METAP1: variants seen among roughly 807,000 people sequenced by gnomAD.
The protein encoded by METAP1 is methionyl aminopeptidase 1, also known as methionine aminopeptidase 1.
METAP1 carries 28 observed loss-of-function variants against 53.8 expected under a neutral mutation model. The observed-to-expected ratio is 0.52, with a 90% confidence interval of 0.39 to 0.71. The LOEUF is 0.71. METAP1 is among the 30% of genes least tolerant of loss of function. The pLI is 0.00. For synonymous variants in METAP1, 181 were observed against 165.7 expected (o/e 1.09, Z -0.71); for missense variants, 389 against 479.8 (o/e 0.81, Z 1.77).
At chr4:99,031,805 A>C (rs1053877345) in intron 2 of METAP1, 1 of 383,242 alleles carries the variant, frequency 2.6e-6, no homozygotes, top group Non-Finnish European at 5.0e-6. Context: ...ACAACTTTTT[A>C]AAGAATAAAG....
chr4:99,022,948 AC>A (rs1280300733), intron 1 of METAP1: 4 of 1,489,540 alleles, frequency 2.7e-6, no homozygotes, highest in Non-Finnish European at 3.6e-6. Context: ...AAGGTTGCGG[AC>A]ATGTAGGGGC....
intron 1 of METAP1, among the ~76,000 whole-genome samples, chr4:99,004,508 CACACAA>C (rs1387692417): frequency 1.9e-5 from 2 of 106,656 alleles, no homozygotes; most frequent in Non-Finnish European, 4.4e-5. Flanking sequence ...CACACACACA[CACACAA>C]AATAACACAG....
At chr4:99,034,468 G>A in intron 3 of METAP1, 126 bp downstream of exon 3, 1 of 642,340 alleles carries the variant, frequency 1.6e-6, no homozygotes, top group East Asian at 3.0e-5. Flanking sequence ...TCGAATTTTA[G>A]CTCTTGAGCT....
intron 3 of METAP1, 97 bp from the exon 4 acceptor site, chr4:99,035,303 C>A: frequency 1.3e-6 from 1 of 785,620 alleles, no homozygotes; most frequent in South Asian, 1.6e-5. Flanking sequence ...TTTAAGATGC[C>A]ATTTAAAACT....
chr4:99,040,582 C>T (rs748082016), intron 5 of METAP1, among the ~76,000 whole-genome samples: 37 of 151,634 alleles, frequency 2.4e-4, no homozygotes, highest in Admixed American at 2.0e-3. Context: ...CTCCAAACTC[C>T]TGGGCTCAAG....
chr4:99,032,250 C>T (rs369564354), intron 2 of METAP1, among the ~76,000 whole-genome samples: 22 of 150,022 alleles, frequency 1.5e-4, no homozygotes, highest in African/African-American at 5.4e-4. Flanking sequence ...TTTTTTGAGA[C>T]AGGGTGTTCC....
In METAP1 at chr4:99,061,207, G is replaced by A. The variant is rs750830276; in HGVS notation, c.1051G>A (p.Gly351Arg). 3 of 1,613,824 alleles carry A rather than the reference G, an allele frequency of 1.9e-6. No homozygotes were observed. Among genetic ancestry groups the A allele is most frequent in the East Asian group, 2.2e-5 (1 of 44,862 alleles). ...PDGWTAVTRDGKRSAQFEHTL... is the reference protein window; with the variant it reads ...PDGWTAVTRDRKRSAQFEHTL... ...TGGTTGGACTGCGGTGACAAGAGACGGAAAGCGGTCTGCTCAGTTTGAGCA... is the reference window on the plus strand; with the variant it reads ...TGGTTGGACTGCGGTGACAAGAGACAGAAAGCGGTCTGCTCAGTTTGAGCA... The change falls in exon 11 of 11, where the codon GGA becomes AGA. Residue 351 changes from glycine to arginine, a missense_variant. Transcript: ENST00000296411.
chr4:99,035,263 A>G (rs1327995793), intron 3 of METAP1, 137 bp from the exon 4 acceptor site: 10 of 642,716 alleles, frequency 1.6e-5, no homozygotes, highest in Non-Finnish European at 2.7e-5. Context: ...GTAAAGCATA[A>G]TCTTAATGAA....
chr4:99,024,881 C>T (rs1406881704), intron 1 of METAP1, among the ~76,000 whole-genome samples: 1 of 152,088 alleles, frequency 6.6e-6, no homozygotes, highest in African/African-American at 2.4e-5. Context: ...ACAATTTTTC[C>T]ATGGACTTGG....
chr4:99,009,452 A>G (rs141790228), intron 1 of METAP1, among the ~76,000 whole-genome samples: 378 of 152,316 alleles, frequency 2.5e-3, no homozygotes, highest in Middle Eastern at 0.01. Context: ...TCTGTTTTCT[A>G]TAGTAGTTGG....
intron 1 of METAP1, among the ~76,000 whole-genome samples, chr4:99,008,878 T>TA (rs946700137): frequency 6.6e-6 from 1 of 152,232 alleles, no homozygotes; most frequent in Non-Finnish European, 1.5e-5. Flanking sequence ...TACATATCTT[T>TA]AAAAAATTTG....
chr4:99,044,683 A>G (rs1726097111), intron 7 of METAP1, among the ~76,000 whole-genome samples: 1 of 152,188 alleles, frequency 6.6e-6, no homozygotes, highest in East Asian at 1.9e-4. Flanking sequence ...ATTCTTAAAC[A>G]TGGGGACAAA....
intron 1 of METAP1, chr4:99,022,951 T>C (rs1034275197): frequency 2.0e-6 from 3 of 1,487,794 alleles, no homozygotes; most frequent in South Asian, 1.2e-5. Flanking sequence ...GTTGCGGACA[T>C]GTAGGGGCTG....
In METAP1 at chr4:98,996,628, C is replaced by T. The variant is rs528476187; in HGVS notation, c.114+761C>T. On this transcript the variant is annotated intron_variant, in intron 1 of 10. Transcript: ENST00000296411. ...AAGGACAGTTCCATTGAGGGTTAGG[C>T]GTGAATGCTGTAGTGTATTTTAAGT... is the stretch of plus-strand genomic sequence containing the variant. 3.9e-5 allele frequency among the ~76,000 whole-genome samples: 6 copies of T among 152,286 alleles called. No individual in the cohort carries two copies. In the South Asian group the frequency reaches 1.2e-3, roughly 32 times the overall value.
chr4:99,026,278 C>G lies in METAP1; in HGVS notation c.115-2589C>G, dbSNP rs201588437. Reference sequence around the variant, plus strand: ...TCTTGGATTGAAAACTAAAGTTTTACCTACTAGTTATAATAATGCTTTGGT... The same window carrying G: ...TCTTGGATTGAAAACTAAAGTTTTAGCTACTAGTTATAATAATGCTTTGGT... On this transcript the variant is annotated intron_variant, in intron 1 of 10. Coordinates refer to ENST00000296411, the MANE Select transcript of METAP1 (RefSeq NM_015143.3). 28 of 984,816 alleles carry G rather than the reference C, an allele frequency of 2.8e-5. No individual in the cohort carries two copies. In the East Asian group the frequency reaches 2.5e-3, roughly 88 times the overall value. The allele number at this position is 984,816 out of a possible 1,614,324, so 61.0% of individuals were successfully genotyped here.
chr4:99,026,153 TAAAC>T (rs1724544058), intron 1 of METAP1: 2 of 879,818 alleles, frequency 2.3e-6, no homozygotes, highest in Admixed American at 6.2e-5. Context: ...TTTGGCAAAA[TAAAC>T]TTTCTAAAGT....
At chr4:99,000,121 C>T (rs1722851522) in intron 1 of METAP1, among the ~76,000 whole-genome samples, 1 of 152,110 alleles carries the variant, frequency 6.6e-6, no homozygotes, top group Non-Finnish European at 1.5e-5. Flanking sequence ...TTTACATTAT[C>T]CTTTGTAAAC....
chr4:99,005,925 A>G (rs979207173), intron 1 of METAP1: 28 of 232,018 alleles, frequency 1.2e-4, no homozygotes, highest in Non-Finnish European at 2.1e-4. Context: ...AGAAAGGGGG[A>G]GGGCTGGCTG....
At chr4:99,022,769 G>A (rs1323434767) in intron 1 of METAP1, 15 of 1,601,730 alleles carry the variant, frequency 9.4e-6, no homozygotes, top group Middle Eastern at 3.3e-4. Flanking sequence ...TAGACTGGCC[G>A]CCACACTCTT....
Sources: gnomAD v4.1 joint callset for allele counts (sites outside exome capture counted in the v4.1 genomes callset) on GRCh38, gnomAD v4.1.1 for gene constraint, MANE v1.5 for transcripts, NCBI Gene and HGNC (gene_info 2026-07-23, HGNC 2026-07-21) for gene names.